Variants in LRRC7 observed in about 807,000 individuals in gnomAD.
LRRC7 encodes the protein leucine rich repeat containing 7, also known as leucine-rich repeat-containing protein 7.
Under a neutral mutation model 175.7 loss-of-function variants are expected in LRRC7, and 23 were observed. The observed-to-expected ratio is 0.13, with a 90% CI of 0.09 to 0.19. The LOEUF is 0.19. Ranked by LOEUF, LRRC7 falls within the 10% of genes least tolerant of loss-of-function variation. The probability of loss-of-function intolerance (pLI) is 1.00; values close to 1 mark genes in which losing one functional copy is unlikely to be tolerated. For synonymous variants in LRRC7, 685 were observed against 680.9 expected (o/e 1.01, Z -0.09); for missense variants, 1,354 against 1,904.7 (o/e 0.71, Z 5.38).
At chr1:69,773,073 G>A (rs1672421710) in intron 3 of LRRC7, among the ~76,000 whole-genome samples, 1 of 152,134 alleles carries the variant, frequency 6.6e-6, no homozygotes, top group Non-Finnish European at 1.5e-5. Context: ...GTTAGGGAAA[G>A]CAGAAACATG....
chr1:70,050,690 G>A (rs1660679566), intron 22 of LRRC7, among the ~76,000 whole-genome samples: 1 of 151,724 alleles, frequency 6.6e-6, no homozygotes, highest in African/African-American at 2.4e-5. Flanking sequence ...GCTCCTTTTA[G>A]CCTTTAATAG....
At chr1:69,613,816 A>G (rs1298806809) in intron 1 of LRRC7, among the ~76,000 whole-genome samples, 1 of 152,016 alleles carries the variant, frequency 6.6e-6, no homozygotes, top group Non-Finnish European at 1.5e-5. Context: ...GGCTTATGGG[A>G]GGAAGTTAGA....
chr1:69,873,359 TA>T, intron 7 of LRRC7: 2 of 491,266 alleles, frequency 4.1e-6, no homozygotes, highest in Non-Finnish European at 8.5e-6. Flanking sequence ...TTAAAACAAG[TA>T]AACTTTCTAC....
intron 4 of LRRC7, among the ~76,000 whole-genome samples, chr1:69,815,379 T>G (rs1053796232): frequency 3.9e-5 from 6 of 152,314 alleles, no homozygotes; most frequent in African/African-American, 1.4e-4. Context: ...CTCAGTTAAG[T>G]TTAAAATTTT....
chr1:69,834,973 T>C, intron 6 of LRRC7, 104 bp downstream of exon 6: 1 of 805,182 alleles, frequency 1.2e-6, no homozygotes, highest in Non-Finnish European at 2.0e-6. Context: ...TGATTAAAGA[T>C]AGGCCTCATT....
chr1:70,037,960 A>G (rs990160329), intron 20 of LRRC7, among the ~76,000 whole-genome samples, 153 bp from the exon 21 acceptor site: 3 of 152,232 alleles, frequency 2.0e-5, no homozygotes, highest in African/African-American at 4.8e-5. Flanking sequence ...GATTTTTAAA[A>G]TATGAAATAA....
intron 2 of LRRC7, among the ~76,000 whole-genome samples, chr1:69,718,174 A>AAGAAAGAAAGAAAGAAAGAAAGAAAGAG (rs200228546): frequency 1.4e-5 from 2 of 146,100 alleles, no homozygotes; most frequent in African/African-American, 5.0e-5. Flanking sequence ...GAAAGAAAGA[A>AAGAAAGAAAGAAAGAAAGAAAGAAAGAG]GAAAAGAAAA....
At position 69,661,591 on chromosome 1, in the gene LRRC7, A is replaced by T. The variant is rs556468178; in HGVS notation, c.3-16790A>T. Among the ~76,000 whole-genome samples, 15 of 152,270 alleles carry T rather than the reference A, an allele frequency of 9.9e-5. No homozygotes were observed. The South Asian group carries it at 3.1e-3, about 32-fold the overall frequency. ...ATCCTAGAAAATTTACCAGGAGAAC[A>T]TTGTGTCAATACTCAAAAAGCCCCA... On this transcript the variant is annotated intron_variant, in intron 1 of 26. Coordinates refer to ENST00000651989, the MANE Select transcript of LRRC7 (RefSeq NM_001370785.2).
chr1:69,922,631 T>G (rs1449367249), intron 7 of LRRC7, among the ~76,000 whole-genome samples: 3 of 152,244 alleles, frequency 2.0e-5, no homozygotes, highest in Admixed American at 2.0e-4. Flanking sequence ...GCATATTGGA[T>G]AGAAGAAAGA....
At chr1:69,790,828 CAATT>C (rs892337188) in intron 3 of LRRC7, among the ~76,000 whole-genome samples, 3 of 151,924 alleles carry the variant, frequency 2.0e-5, no homozygotes, top group Non-Finnish European at 4.4e-5. Flanking sequence ...AAGATATTGA[CAATT>C]AATTCTACAC....
intron 2 of LRRC7, among the ~76,000 whole-genome samples, chr1:69,684,805 C>T (rs1660923028): frequency 6.6e-6 from 1 of 152,112 alleles, no homozygotes; most frequent in Non-Finnish European, 1.5e-5. Context: ...AGAAAAACAA[C>T]AGAGGTTTGG....
chr1:69,806,662 A>T (rs188565031), intron 4 of LRRC7, among the ~76,000 whole-genome samples: 2 of 152,082 alleles, frequency 1.3e-5, no homozygotes, highest in Admixed American at 1.3e-4. Context: ...AAATTATCCT[A>T]GCAATGTTTC....
chr1:69,989,014 A>G (rs1328213882), intron 10 of LRRC7, among the ~76,000 whole-genome samples: 1 of 152,202 alleles, frequency 6.6e-6, no homozygotes, highest in African/African-American at 2.4e-5. Context: ...CAATATGAAA[A>G]CTATTTTAAG....
intron 7 of LRRC7, among the ~76,000 whole-genome samples, chr1:69,847,768 T>A (rs1417931835): frequency 6.6e-6 from 1 of 152,082 alleles, no homozygotes; most frequent in Non-Finnish European, 1.5e-5. Flanking sequence ...CCTTCAACAA[T>A]TCCTCCCCCT....
chr1:69,656,931 A>G (rs1656680802), intron 1 of LRRC7, among the ~76,000 whole-genome samples: 1 of 151,880 alleles, frequency 6.6e-6, no homozygotes, highest in Non-Finnish European at 1.5e-5. Context: ...ATCCCTTATT[A>G]CATTATAATT....
At chr1:69,997,956 G>A (rs1304004612) in intron 11 of LRRC7, among the ~76,000 whole-genome samples, 2 of 152,026 alleles carry the variant, frequency 1.3e-5, no homozygotes, top group Admixed American at 1.3e-4. Context: ...CTATTGATTG[G>A]AATAGTTTCA....
intron 22 of LRRC7, among the ~76,000 whole-genome samples, chr1:70,051,059 TA>T (rs1249869762): frequency 2.0e-5 from 3 of 152,024 alleles, no homozygotes; most frequent in Admixed American, 6.6e-5. Flanking sequence ...AGAACTAGAT[TA>T]ATTTATAAAC....
intron 23 of LRRC7, among the ~76,000 whole-genome samples, chr1:70,059,238 A>T (rs1172138708): frequency 6.6e-6 from 1 of 152,128 alleles, no homozygotes; most frequent in Admixed American, 6.5e-5. Context: ...ATGACTTGGC[A>T]GTTGGAGTAA....
At chr1:70,091,497 C>T (rs113265570) in intron 25 of LRRC7, among the ~76,000 whole-genome samples, 11,384 of 152,084 alleles carry the variant, frequency 0.075, 538 homozygotes, top group South Asian at 0.18. Context: ...TAAATCTTTT[C>T]ACTATATTTT....
Sources: gnomAD v4.1 joint callset for allele counts (sites outside exome capture counted in the v4.1 genomes callset) on GRCh38, gnomAD v4.1.1 for gene constraint, MANE v1.5 for transcripts, NCBI Gene and HGNC (gene_info 2026-07-23, HGNC 2026-07-21) for gene names.